Variants in SYNE1 observed in about 807,000 individuals in gnomAD.
The protein encoded by SYNE1 is nesprin-1.
A neutral mutation model predicts 1,111.0 loss-of-function variants in SYNE1; 616 were observed. The ratio of observed to expected loss-of-function variants is 0.55; its 90% CI spans 0.52 to 0.59. The LOEUF (loss-of-function observed/expected upper bound fraction) is 0.59, where lower values mean the gene tolerates loss of function less well. Among genes scored for constraint, SYNE1 ranks in the 20% least tolerant of loss-of-function variants. SYNE1 has a pLI of 0.00. For synonymous variants in SYNE1, 3,855 were observed against 3,825.8 expected (o/e 1.01, Z -0.28); for missense variants, 10,006 against 10,417.0 (o/e 0.96, Z 1.72).
rs1487917029 is a variant in SYNE1, at chr6:152,206,242, C to G, written c.22945G>C (p.Glu7649Gln). Residue 7649 changes from glutamate (E) to glutamine (Q), a missense_variant, in exon 126 of 146, where the codon GAA (glutamate) becomes CAA (glutamine). Physicochemically the swap from Glu to Gln is conservative, Grantham distance 29. This residue lies in a region of SYNE1 where 2,182 missense variants were observed against 2,287.8 expected (regional missense o/e 0.95). Transcript: ENST00000367255. ...AEAALQAELA[E>Q]IQEKWKSASM... is the part of the protein sequence containing the mutation. ...GCTGATTTCCATTTCTCTTGGATTT[C>G]AGCGAGTTCGGCCTGCAAGGCGGCC... The G allele has an allele frequency of 6.2e-7, 1 of 1,613,796 alleles. No homozygotes were observed. Among genetic ancestry groups the G allele is most frequent in the African/African-American group, 1.3e-5 (1 of 74,938 alleles).
intron 3 of SYNE1, among the ~76,000 whole-genome samples, chr6:152,606,458 T>C (rs2099614971): frequency 6.6e-6 from 1 of 152,132 alleles, no homozygotes; most frequent in Non-Finnish European, 1.5e-5. Flanking sequence ...AGTTGCAGAG[T>C]TAGAATCTTA....
intron 107 of SYNE1, among the ~76,000 whole-genome samples, chr6:152,240,564 C>T (rs934437185): frequency 1.3e-5 from 2 of 152,198 alleles, no homozygotes; most frequent in Non-Finnish European, 2.9e-5. Context: ...TTGAGCTTAT[C>T]TCATTTCCTG....
intron 4 of SYNE1, among the ~76,000 whole-genome samples, chr6:152,528,264 G>A (rs2099174268): frequency 6.6e-6 from 1 of 152,100 alleles, no homozygotes; most frequent in African/African-American, 2.4e-5. Flanking sequence ...ACATGTGGCA[G>A]GCACTTCATA....
At chr6:152,286,004 T>C (rs544073562) in intron 95 of SYNE1, among the ~76,000 whole-genome samples, 40 of 152,350 alleles carry the variant, frequency 2.6e-4, no homozygotes, top group African/African-American at 9.6e-4. Flanking sequence ...AATGTGCCCT[T>C]ATTTGCATAA....
chr6:152,219,963 G>A (rs1050372490), intron 119 of SYNE1, among the ~76,000 whole-genome samples: 1 of 152,254 alleles, frequency 6.6e-6, no homozygotes, highest in Non-Finnish European at 1.5e-5. Context: ...TTCTGTGAGA[G>A]AAAGAAGAAC....
rs78466183 is a variant in SYNE1 at position 152,300,903 on chromosome 6, C to A, written c.17542-122G>T. ...AACGAAGGTTAAAATTACTGGGACC[C>A]GAATTCACATATTAATCCTGTGTTA... On this transcript the variant is annotated intron_variant, in intron 92 of 145. Transcript: ENST00000367255. 22,878 of 1,308,114 alleles carry A rather than the reference C, an allele frequency of 0.017. 300 individuals carry two copies. Among genetic ancestry groups the A allele is most frequent in the Non-Finnish European group, 0.02 (18,138 of 924,290 alleles). 81.0% of individuals were successfully genotyped at this position (1,308,114 alleles called of 1,614,324 possible).
chr6:152,336,720 T>G, intron 76 of SYNE1, 121 bp downstream of exon 76: 2 of 1,295,520 alleles, frequency 1.5e-6, no homozygotes, highest in Non-Finnish European at 1.1e-6. Flanking sequence ...CTTAAAGAGT[T>G]GTATTAATGT....
At position 152,450,759 on chromosome 6, in the gene SYNE1, T is replaced by C; in HGVS notation, c.3261A>G (p.Lys1087=). The stretch of plus-strand genomic sequence containing the variant: ...CCCTTACTGGGTCCCGCACTGGGAG[T>C]TTCACACAGAGTTCCTCGATGAGCT... ...RLQLIEELCV[K]LPVRDPVRDT... is the part of the protein sequence containing the mutation. Residue 1087 remains lysine, a synonymous_variant, in exon 27 of 146, where the codon AAA becomes AAG. Transcript: ENST00000367255. The C allele has an allele frequency of 6.2e-7, 1 of 1,613,772 alleles. No individual in the cohort carries two copies. The highest frequency in any genetic ancestry group is 8.5e-7 in the Non-Finnish European group (1 of 1,179,942).
In SYNE1 at chr6:152,441,236, T is replaced by C; in HGVS notation, c.4043A>G (p.Asn1348Ser). Residue 1348 changes from asparagine to serine, a missense_variant, in exon 32 of 146, where the codon AAC (asparagine) becomes AGC (serine). Transcript: ENST00000367255. ...AAGGTATCTTACTACTGTTTCTTTGTTTGTTTCAAATCGCTCCCATTTTCT... is the reference window on the plus strand; with the variant it reads ...AAGGTATCTTACTACTGTTTCTTTGCTTGTTTCAAATCGCTCCCATTTTCT... ...TLRKWERFET[N>S]KETVVRYLFQ... 1 of 1,611,252 alleles carries C rather than the reference T, an allele frequency of 6.2e-7. No homozygotes were observed. The highest frequency in any genetic ancestry group is 8.5e-7 in the Non-Finnish European group (1 of 1,178,156).
At chr6:152,152,184 G>C (rs752787168) in intron 133 of SYNE1, 43 bp from the exon 134 acceptor site, 8 of 1,576,680 alleles carry the variant, frequency 5.1e-6, no homozygotes, top group Middle Eastern at 1.7e-4. Context: ...AATCAGCGAA[G>C]GACTCTCAGT....
chr6:152,145,224 T>C (rs1299289560), intron 137 of SYNE1: 1 of 497,486 alleles, frequency 2.0e-6, no homozygotes, highest in Non-Finnish European at 3.7e-6. Flanking sequence ...TTTTCTGCAG[T>C]TAATGGACAT....
At chr6:152,224,717 A>C in intron 116 of SYNE1, 53 bp from the exon 117 acceptor site, 1 of 1,546,726 alleles carries the variant, frequency 6.5e-7, no homozygotes, top group East Asian at 2.3e-5. Context: ...AGAATGATGG[A>C]ATATATATTC....
In SYNE1 at chr6:152,219,111, T is replaced by C. The variant is rs968163245; in HGVS notation, c.21936A>G (p.Gln7312=). 1 of 1,614,060 alleles carries C rather than the reference T, an allele frequency of 6.2e-7. No homozygotes were observed. Among genetic ancestry groups the C allele is most frequent in the African/African-American group, 1.3e-5 (1 of 75,058 alleles). ...CTGATGCTGCGGAAGCATCCACTTG[T>C]TGCTTCAGTTGCTCTCCCAGCTCAT... is the stretch of plus-strand genomic sequence containing the variant. ...FLHELGEQLK[Q]QVDASAASAI... is the part of the protein sequence containing the mutation. Residue 7312 remains glutamine (Q), a synonymous_variant, in exon 120 of 146, where the codon CAA becomes CAG. Transcript: ENST00000367255.
chr6:152,174,003 A>C (rs1049894859), intron 130 of SYNE1, among the ~76,000 whole-genome samples: 1 of 152,218 alleles, frequency 6.6e-6, no homozygotes, highest in Non-Finnish European at 1.5e-5. Flanking sequence ...ATTTGCTGTA[A>C]TATTGGCTCA....
intron 3 of SYNE1, among the ~76,000 whole-genome samples, chr6:152,562,913 A>G (rs549985532): frequency 1.3e-5 from 2 of 152,300 alleles, no homozygotes; most frequent in Admixed American, 1.3e-4. Flanking sequence ...AGTATTATTC[A>G]TTTCACTTCC....
At chr6:152,495,360 T>C (rs2098993556) in intron 11 of SYNE1, among the ~76,000 whole-genome samples, 1 of 152,198 alleles carries the variant, frequency 6.6e-6, no homozygotes, top group African/African-American at 2.4e-5. Flanking sequence ...AATTCCTCAA[T>C]TTAGCCTCCC....
Position 152,399,722 on chromosome 6 carries a change from G to A in SYNE1, c.7131C>T (p.Ser2377=), listed in dbSNP as rs1204087685. The stretch of plus-strand genomic sequence containing the variant: ...TCAGACCAGTCATTGCACGGCCCAG[G>A]CTCTCCAACTCAGCTGAGTGGTACT... The part of the protein sequence containing the change: ...CRKYHSAELE[S]LGRAMTGLIK... The change falls in exon 48 of 146, where the codon AGC becomes AGT. Residue 2377 remains serine (S), a synonymous_variant. Transcript: ENST00000367255. 3.1e-6 allele frequency: 5 copies of A among 1,614,024 alleles called. No homozygotes were observed. The highest frequency in any genetic ancestry group is 3.4e-6 in the Non-Finnish European group (4 of 1,180,022).
chr6:152,365,975 C>G (rs530482072), intron 62 of SYNE1, among the ~76,000 whole-genome samples: 1 of 152,288 alleles, frequency 6.6e-6, no homozygotes, highest in African/African-American at 2.4e-5. Flanking sequence ...TTTCCCCTCT[C>G]TGCCACCATT....
chr6:152,318,092 T>C lies in SYNE1; in HGVS notation c.16561A>G (p.Lys5521Glu). Residue 5521 changes from lysine (K) to glutamate (E), a missense_variant, in exon 86 of 146, where the codon AAG becomes GAG. By Grantham distance (56) the Lys-to-Glu change is moderately conservative. This residue lies in a region of SYNE1 where 4,955 missense variants were observed against 5,017.2 expected (regional missense o/e 0.99). Transcript: ENST00000367255. ...CCCGGAACACATACCTGATTGAGCT[T>C]GGAGAGCCGATTCTCAGCTTGTCTA... ...TIRQAENRLSKLNQAASHLEE... is the reference protein window; with the variant it reads ...TIRQAENRLSELNQAASHLEE... 6.2e-7 allele frequency: 1 copy of C among 1,614,226 alleles called. No homozygotes were observed. Among genetic ancestry groups the C allele is most frequent in the Non-Finnish European group, 8.5e-7 (1 of 1,180,042 alleles).
Sources: allele counts gnomAD v4.1 joint callset (sites outside exome capture counted in the v4.1 genomes callset), GRCh38; gene constraint gnomAD v4.1.1; regional missense constraint gnomAD v4.1.1; transcripts MANE v1.5; gene names NCBI Gene and HGNC (gene_info 2026-07-23, HGNC 2026-07-21).